The following SLC14A2 variants were observed in gnomAD, a reference collection of about 807,000 sequenced individuals.
SLC14A2 encodes the protein urea transporter 2.
SLC14A2 carries 91 observed loss-of-function variants against 104.6 expected under a neutral mutation model. The ratio of observed to expected loss-of-function variants is 0.87; its 90% confidence interval spans 0.73 to 1.04. The LOEUF is 1.04. SLC14A2 is among the 50% of genes least tolerant of loss of function. The pLI is 0.00. For synonymous variants in SLC14A2, 476 were observed against 466.4 expected, an observed-to-expected ratio of 1.02 and a Z score of -0.27; for missense variants, 1,189 against 1,156.0, an observed-to-expected ratio of 1.03 and a Z score of -0.41.
chr18:45,253,095 G>A (rs902813428), intron 1 of SLC14A2, among the ~76,000 whole-genome samples: 2 of 152,094 alleles, frequency 1.3e-5, no homozygotes, highest in South Asian at 4.2e-4. Context: ...TTCTGCATCC[G>A]AATCACCCAG....
rs377072278 is a variant in SLC14A2 at position 45,368,428 on chromosome 18, C to A, written c.-124-114805C>A. On this transcript the variant is annotated intron_variant, in intron 1 of 20. Coordinates refer to the SLC14A2 transcript ENST00000586448. ...CCTTAGATCCATTCGTAGCTTTTCC[C>A]TGGGCATAAGCCACCAGGAGTCAGA... Among the ~76,000 whole-genome samples, 440 of 152,206 alleles carry A rather than the reference C, an allele frequency of 2.9e-3. 1 individual carries two copies. Among genetic ancestry groups the A allele is most frequent in the African/African-American group, 1.0e-2 (414 of 41,524 alleles).
chr18:45,237,016 C>T (rs1212650785), intron 1 of SLC14A2, among the ~76,000 whole-genome samples: 1 of 152,126 alleles, frequency 6.6e-6, no homozygotes, highest in Non-Finnish European at 1.5e-5. Flanking sequence ...TAACCACTGA[C>T]AACTGTAACT....
chr18:45,410,423 A>G (rs530888046), intron 1 of SLC14A2, among the ~76,000 whole-genome samples: 1 of 152,350 alleles, frequency 6.6e-6, no homozygotes, highest in South Asian at 2.1e-4. Flanking sequence ...AATTAGGTTT[A>G]GTAGCATTTA....
chr18:45,204,710 A>G, the SLC14A2 span, among the ~76,000 whole-genome samples: 5 of 151,914 alleles, frequency 3.3e-5, no homozygotes, highest in African/African-American at 1.2e-4. Flanking sequence ...GGGAAGATTT[A>G]TTGGACATAT....
At chr18:45,174,298 T>C in the SLC14A2 span, among the ~76,000 whole-genome samples, 1 of 152,160 alleles carries the variant, frequency 6.6e-6, no homozygotes, top group Non-Finnish European at 1.5e-5. Flanking sequence ...GCCATTTTTC[T>C]TCTTTACTGA....
At chr18:45,564,246 C>T (rs1327106485) in intron 2 of SLC14A2, among the ~76,000 whole-genome samples, 1 of 152,216 alleles carries the variant, frequency 6.6e-6, no homozygotes, top group African/African-American at 2.4e-5. Context: ...TGAGAATGCT[C>T]TTGTGATTTT....
At chr18:45,332,361 T>G (rs2085298934) in intron 1 of SLC14A2, among the ~76,000 whole-genome samples, 1 of 152,230 alleles carries the variant, frequency 6.6e-6, no homozygotes, top group South Asian at 2.1e-4. Flanking sequence ...TTACATGTAT[T>G]AGGTATTATA....
chr18:45,234,684 G>C (rs1255845615), intron 1 of SLC14A2, among the ~76,000 whole-genome samples: 4 of 152,074 alleles, frequency 2.6e-5, no homozygotes, highest in African/African-American at 4.8e-5. Context: ...AGCATGCTTT[G>C]TCCTTAATCT....
the SLC14A2 span, among the ~76,000 whole-genome samples, chr18:45,179,614 G>A: frequency 6.6e-6 from 1 of 152,134 alleles, no homozygotes; most frequent in African/African-American, 2.4e-5. Flanking sequence ...ACTGAATGCC[G>A]AAGGAGAACA....
intron 15 of SLC14A2, among the ~76,000 whole-genome samples, chr18:45,668,954 C>T (rs2046080517): frequency 6.6e-6 from 1 of 151,684 alleles, no homozygotes; most frequent in Admixed American, 6.6e-5. Flanking sequence ...GCACCCTGGC[C>T]ACAAAGCCCA....
In SLC14A2 at chr18:45,616,200, A is replaced by G. The variant is rs555126075; in HGVS notation, c.-35+618A>G. 3.9e-5 allele frequency among the ~76,000 whole-genome samples: 6 copies of G among 152,324 alleles called. No homozygotes were observed. The South Asian group carries it at 1.2e-3, about 32-fold the overall frequency. ...TAACTTCTCCCCCTAAGTAGCCTCA[A>G]CTGATGGGAGAATTGACACATTACC... On this transcript the variant is annotated intron_variant, in intron 1 of 19. Coordinates refer to ENST00000255226, the MANE Select transcript of SLC14A2 (RefSeq NM_007163.4).
At chr18:45,170,933 C>T in the SLC14A2 span, among the ~76,000 whole-genome samples, 1 of 152,104 alleles carries the variant, frequency 6.6e-6, no homozygotes, top group Non-Finnish European at 1.5e-5. Context: ...GTGTAACACC[C>T]AGTTGTGTCT....
At chr18:45,209,554 T>G (rs949500708), upstream of SLC14A2, among the ~76,000 whole-genome samples, 1 of 152,068 alleles carries the variant, frequency 6.6e-6, no homozygotes, top group African/African-American at 2.4e-5. Context: ...TTTTTCTTTT[T>G]TTTTTTAACA....
At chr18:45,273,838 CT>C (rs2084675371) in intron 1 of SLC14A2, among the ~76,000 whole-genome samples, 1 of 151,476 alleles carries the variant, frequency 6.6e-6, no homozygotes, top group Non-Finnish European at 1.5e-5. Flanking sequence ...GGCATTTTTT[CT>C]TCTCTGGACT....
At position 45,637,071 on chromosome 18, in the gene SLC14A2, C is replaced by T. The variant is rs1189540027; in HGVS notation, c.732C>T (p.Val244=). ...PVFTLPFNIA[V]TLYLAATGHY... ...TCACTCTGCCCTTCAACATTGCAGT[C>T]ACCTTGTACCTTGCAGCCACAGGCC... is the stretch of plus-strand genomic sequence containing the variant. Residue 244 remains valine (V), a synonymous_variant, in exon 6 of 20, where the codon GTC becomes GTT. Transcript: ENST00000255226. 2 of 1,614,040 alleles carry T rather than the reference C, an allele frequency of 1.2e-6. No individual in the cohort carries two copies. Among genetic ancestry groups the T allele is most frequent in the South Asian group, 1.1e-5 (1 of 91,076 alleles).
intron 1 of SLC14A2, among the ~76,000 whole-genome samples, chr18:45,217,047 C>A (rs557296166): frequency 1.3e-5 from 2 of 152,128 alleles, no homozygotes; most frequent in South Asian, 4.1e-4. Flanking sequence ...AAGCCCTTCT[C>A]TCTTGACCAA....
chr18:45,477,248 A>T (rs756315409), intron 1 of SLC14A2, among the ~76,000 whole-genome samples: 6 of 152,194 alleles, frequency 3.9e-5, no homozygotes, highest in Admixed American at 6.5e-5. Flanking sequence ...CCTCTGCAGC[A>T]GGTCTGCTGG....
intron 1 of SLC14A2, among the ~76,000 whole-genome samples, chr18:45,370,053 G>A (rs913759824): frequency 1.3e-5 from 2 of 152,186 alleles, no homozygotes; most frequent in African/African-American, 4.8e-5. Context: ...AACCAACACT[G>A]AGGAGTCAGG....
intron 1 of SLC14A2, among the ~76,000 whole-genome samples, chr18:45,470,445 T>A (rs559783305): frequency 2.0e-5 from 3 of 152,336 alleles, no homozygotes; most frequent in Admixed American, 1.3e-4. Flanking sequence ...TTTTATATTT[T>A]TTAATGTCAT....
Sources: gnomAD v4.1 joint callset for allele counts (sites outside exome capture counted in the v4.1 genomes callset) on GRCh38, gnomAD v4.1.1 for gene constraint, MANE v1.5 for transcripts, NCBI Gene and HGNC (gene_info 2026-07-23, HGNC 2026-07-21) for gene names.